The following ITIH4 variants were observed in gnomAD, a reference collection of about 807,000 sequenced individuals.
ITIH4 encodes inter-alpha-trypsin inhibitor heavy chain 4.
Under a neutral mutation model 111.8 loss-of-function variants are expected in ITIH4, and 79 were observed. The ratio of observed to expected loss-of-function variants is 0.71; its 90% CI spans 0.59 to 0.85. The LOEUF (loss-of-function observed/expected upper bound fraction) is 0.85, where lower values mean the gene tolerates loss of function less well. Among genes scored for constraint, ITIH4 ranks in the 40% least tolerant of loss-of-function variants. The pLI, the probability that ITIH4 is intolerant of heterozygous loss-of-function variation, is 0.00. For missense variants in ITIH4, 1,065 were observed against 1,195.8 expected (o/e 0.89, Z 1.61); for synonymous variants, 472 against 468.3 (o/e 1.01, Z -0.10).
Position 52,819,966 on chromosome 3 carries a change from A to C in ITIH4, c.1886T>G (p.Leu629Arg). The C allele has an allele frequency of 6.2e-7, 1 of 1,613,930 alleles. No homozygotes were observed. The highest frequency in any genetic ancestry group is 1.3e-5 in the African/African-American group (1 of 74,956). Residue 629 changes from leucine to arginine, a missense_variant, in exon 15 of 24, where the codon CTC becomes CGC. Transcript: ENST00000266041. Reference protein sequence around the residue: ...HSGSTFFKYYLQGAKIPKPEA... With the variant: ...HSGSTFFKYYRQGAKIPKPEA... ...TGGTTTTGGTATTTTTGCTCCCTGG[A>C]GATAATATTTGAAGAAAGTGGAACC...
intron 2 of ITIH4, 94 bp downstream of exon 2, chr3:52,829,025 T>G: frequency 8.5e-7 from 1 of 1,181,638 alleles, no homozygotes; most frequent in East Asian, 2.7e-5. Flanking sequence ...CACCCTGGCA[T>G]GCCTTACTTC....
chr3:52,821,244 G>GT, intron 11 of ITIH4, 114 bp from the exon 12 acceptor site: 4 of 1,283,060 alleles, frequency 3.1e-6, no homozygotes, highest in Non-Finnish European at 4.3e-6. Context: ...CACACTGACT[G>GT]TGGGGACTGC....
In ITIH4 at chr3:52,819,614, G is replaced by A. The variant is rs563442556; in HGVS notation, c.1952-96C>T. On this transcript the variant is annotated intron_variant, in intron 16 of 23. Coordinates refer to ENST00000266041, the MANE Select transcript of ITIH4 (RefSeq NM_002218.5). ...CCACCCAGGAGTGGGTGCGGAGAGG[G>A]CAGCTATGTCCCCTCTCCCCACACC... The A allele has an allele frequency of 1.2e-4, 194 of 1,587,060 alleles. No individual in the cohort carries two copies. The African/African-American group carries it at 1.4e-3, about 12-fold the overall frequency.
In ITIH4 at chr3:52,830,614, C is replaced by T. The variant is rs751592129; in HGVS notation, c.29G>A (p.Cys10Tyr). ...TGAAAGCAGGACGAGAACTTTGCTG[C>T]AGGTACGGACAGGCCTTGGGGGCTT... is the stretch of plus-strand genomic sequence containing the variant. The part of the protein sequence containing the change: MKPPRPVRT[C>Y]SKVLVLLSLL... Residue 10 changes from cysteine to tyrosine, a missense_variant, in exon 1 of 24, where the codon TGC (cysteine) becomes TAC (tyrosine). Physicochemically the swap from Cys to Tyr is radical, Grantham distance 194. Transcript: ENST00000266041. The T allele has an allele frequency of 5.6e-6, 9 of 1,613,674 alleles. No homozygotes were observed. The highest frequency in any genetic ancestry group is 1.7e-4 in the Middle Eastern group (1 of 6,060).
intron 17 of ITIH4, chr3:52,818,981 C>T (rs746475131): frequency 3.4e-5 from 10 of 290,866 alleles, no homozygotes; most frequent in African/African-American, 8.7e-5. Flanking sequence ...CTCCAAAGAG[C>T]GCTGTGATGT....
Position 52,824,521 on chromosome 3 carries a change from T to G in ITIH4, c.921A>C (p.Arg307Ser), listed in dbSNP as rs1458982841. 73 of 1,613,934 alleles carry G rather than the reference T, an allele frequency of 4.5e-5. No homozygotes were observed. Among genetic ancestry groups the G allele is most frequent in the Non-Finnish European group, 6.1e-5 (72 of 1,180,032 alleles). ...LIKILDDLSP[R>S]DQFNLIVFST... ...TGAAGACGATGAGGTTGAACTGGTC[T>G]CTGGGGCTGAGGTCATCCAGGATCT... The change falls in exon 8 of 24, where the codon AGA becomes AGC. Residue 307 changes from arginine (R) to serine (S), a missense_variant. Arg to Ser is a moderately radical substitution (Grantham distance 110, BLOSUM62 -1). Coordinates refer to ENST00000266041, the MANE Select transcript of ITIH4 (RefSeq NM_002218.5). This position sits in a 1 kb window ranked among gnomAD's most constrained non-coding sequence, Gnocchi z 4.3.
Position 52,825,831 on chromosome 3 carries a change from C to T in ITIH4, c.759+55G>A, listed in dbSNP as rs900254625. ...TGTTCTAAAATACCCAAGCTCAGGC[C>T]CTTGGGGGTGGACAGACTTCTAGGC... On this transcript the variant is annotated intron_variant, in intron 6 of 23. Coordinates refer to ENST00000266041, the MANE Select transcript of ITIH4 (RefSeq NM_002218.5). 30 of 1,568,986 alleles carry T rather than the reference C, an allele frequency of 1.9e-5. No homozygotes were observed. The Admixed American group carries it at 2.2e-4, about 11-fold the overall frequency.
In ITIH4 at chr3:52,821,961, C is replaced by A. The variant is rs2154111426; in HGVS notation, c.1540-831G>T. On this transcript the variant is annotated intron_variant, in intron 11 of 23. Coordinates refer to ENST00000266041, the MANE Select transcript of ITIH4 (RefSeq NM_002218.5). ...TAGGCTACCTGCATGAATTTTGCCC[C>A]ATCCACACATACAGCTATTTAATTG... Among the ~76,000 whole-genome samples, 3 of 152,368 alleles carry A rather than the reference C, an allele frequency of 2.0e-5. No individual in the cohort carries two copies. In the Middle Eastern group the frequency reaches 0.01, roughly 518 times the overall value.
rs146866241 is a variant in ITIH4 at position 52,814,172 on chromosome 3, C to T, written c.2626+37G>A. The T allele has an allele frequency of 1.6e-5, 25 of 1,607,764 alleles. No individual in the cohort carries two copies. In the African/African-American group the frequency reaches 2.9e-4, roughly 19 times the overall value. ...GCCTGTTCCCAAGCACAGCTGGTTT[C>T]TGAGGAAGGCCTGGGCCCCGGTAAT... On this transcript the variant is annotated intron_variant, in intron 22 of 23. Transcript: ENST00000266041.
At position 52,826,004 on chromosome 3, in the gene ITIH4, C is replaced by T. The variant is rs753331165; in HGVS notation, c.641G>A (p.Arg214Gln). The T allele has an allele frequency of 1.1e-5, 17 of 1,613,944 alleles. No homozygotes were observed. Among genetic ancestry groups the T allele is most frequent in the Admixed American group, 6.7e-5 (4 of 60,004 alleles). The change falls in exon 6 of 24, where the codon CGG becomes CAG. Residue 214 changes from arginine to glutamine, a missense_variant. By Grantham distance (43) the Arg-to-Gln change is conservative. Coordinates refer to ENST00000266041, the MANE Select transcript of ITIH4 (RefSeq NM_002218.5). ...TWQNKTKAHI[R>Q]FKPTLSQQQK... ...CTGCTGGGAAAGTGTTGGCTTGAAC[C>T]GGATGTGAGCCTGGAGGAATAATCC...
At chr3:52,816,681 A>T (rs1163083083) in intron 21 of ITIH4, among the ~76,000 whole-genome samples, 2 of 152,162 alleles carry the variant, frequency 1.3e-5, no homozygotes, top group Non-Finnish European at 2.9e-5. Flanking sequence ...TGGGATAGTG[A>T]CCTGGGTTAG....
intron 1 of ITIH4, chr3:52,830,006 A>G (rs745538200): frequency 4.1e-5 from 12 of 293,406 alleles, no homozygotes; most frequent in Admixed American, 1.5e-4. Flanking sequence ...CACTGCACCA[A>G]CTCTGCTCGG....
Position 52,830,198 on chromosome 3 carries a change from G to A in ITIH4, c.90+355C>T, listed in dbSNP as rs151199690. The A allele has an allele frequency of 3.5e-3, 1,281 of 371,276 alleles. 5 individuals are homozygous for A. The highest frequency in any genetic ancestry group is 5.2e-3 in the Admixed American group (143 of 27,274). The allele number at this position is 371,276 out of a possible 1,614,324, so 23.0% of individuals were successfully genotyped here. Reference sequence around the variant, plus strand: ...TACAATGGGTTTGGTTTTCACAACCGCCACCCTCTGAATAGGTTCTAGTAT... The same window carrying A: ...TACAATGGGTTTGGTTTTCACAACCACCACCCTCTGAATAGGTTCTAGTAT... On this transcript the variant is annotated intron_variant, in intron 1 of 23. Transcript: ENST00000266041.
chr3:52,819,652 G>A lies in ITIH4; in HGVS notation c.1951+102C>T, dbSNP rs980295401. ...CTCTCCCCACACCCGGCCAACTTGG[G>A]GAGCCTCTCCCCCAACAGCTGGGAG... On this transcript the variant is annotated intron_variant, in intron 16 of 23. Coordinates refer to ENST00000266041, the MANE Select transcript of ITIH4 (RefSeq NM_002218.5). 8.2e-6 allele frequency: 13 copies of A among 1,577,516 alleles called. No individual in the cohort carries two copies. The East Asian group carries it at 2.9e-4, about 35-fold the overall frequency.
chr3:52,815,688 C>A (rs1054274305), intron 21 of ITIH4, among the ~76,000 whole-genome samples: 1 of 145,024 alleles, frequency 6.9e-6, no homozygotes, highest in Non-Finnish European at 1.5e-5. Flanking sequence ...AATTTTAGAT[C>A]TTTTTTTTTT....
intron 21 of ITIH4, among the ~76,000 whole-genome samples, chr3:52,815,757 A>C (rs1700270434): frequency 6.6e-6 from 1 of 150,918 alleles, no homozygotes; most frequent in African/African-American, 2.4e-5. Context: ...CAGTGGTGTT[A>C]ACTCAGCTCA....
intron 14 of ITIH4, 39 bp downstream of exon 14, chr3:52,820,252 C>T (rs776405663): frequency 9.3e-6 from 15 of 1,613,664 alleles, no homozygotes; most frequent in Non-Finnish European, 1.3e-5. Context: ...GTTAGCAGAC[C>T]ACCACCCAGC....
chr3:52,813,572 G>T, intron 23 of ITIH4, 82 bp from the exon 24 acceptor site: 1 of 1,231,364 alleles, frequency 8.1e-7, no homozygotes, highest in Non-Finnish European at 1.2e-6. Flanking sequence ...GCTGGGGACA[G>T]GAACATGGAG....
rs1700447778 is a variant in ITIH4 at position 52,824,365 on chromosome 3, C to A, written c.1045+32G>T. On this transcript the variant is annotated intron_variant, in intron 8 of 23. Coordinates refer to ENST00000266041, the MANE Select transcript of ITIH4 (RefSeq NM_002218.5). The surrounding 1 kb of genome is among the most constrained non-coding windows in gnomAD (Gnocchi z 4.3). The stretch of plus-strand genomic sequence containing the variant: ...GGTCCCCAGCCAGGAGCCCTGGAAG[C>A]CCCCACCCTGCAGGGCCACAGAGAC... 6.2e-7 allele frequency: 1 copy of A among 1,612,334 alleles called. No homozygotes were observed. The highest frequency in any genetic ancestry group is 1.3e-5 in the African/African-American group (1 of 74,908).
Sources: gnomAD v4.1 joint callset for allele counts (sites outside exome capture counted in the v4.1 genomes callset) on GRCh38, gnomAD v4.1.1 for gene constraint, Gnocchi (gnomAD v3.1) non-coding constraint, MANE v1.5 for transcripts, NCBI Gene and HGNC (gene_info 2026-07-23, HGNC 2026-07-21) for gene names.